The following RCOR2 variants were observed in gnomAD, a reference collection of about 807,000 sequenced individuals.
The protein encoded by RCOR2 is REST corepressor 2.
In RCOR2, 19 loss-of-function variants were observed where a neutral mutation model predicts 58.9. That is an observed-to-expected ratio of 0.32 (90% confidence interval 0.23 to 0.47). The LOEUF is 0.47. Ranked by LOEUF, RCOR2 falls within the 20% of genes least tolerant of loss-of-function variation. RCOR2 has a pLI of 1.00. For synonymous variants in RCOR2, 286 were observed against 278.7 expected (o/e 1.03, Z -0.26); for missense variants, 590 against 707.9 (o/e 0.83, Z 1.89).
chr11:63,915,079 A>G, intron 3 of RCOR2, 99 bp downstream of exon 3: 1 of 1,514,472 alleles, frequency 6.6e-7, no homozygotes, highest in Non-Finnish European at 9.1e-7. Flanking sequence ...CAAGGGTTGG[A>G]CCCACGAACA....
intron 2 of RCOR2, 93 bp downstream of exon 2, chr11:63,915,461 CA>C: frequency 7.3e-7 from 1 of 1,367,138 alleles, no homozygotes. Context: ...CCTGCCCTTC[CA>C]GGGGAGCCAA....
upstream of RCOR2, among the ~76,000 whole-genome samples, chr11:63,919,398 A>T (rs991743963): frequency 1.3e-5 from 2 of 151,974 alleles, no homozygotes; most frequent in African/African-American, 4.8e-5. Flanking sequence ...CAGCAGCATG[A>T]AGGCTCTTAA....
Position 63,916,762 on chromosome 11 carries a change from T to TCCCCTGAAGTCGGGGC in RCOR2, c.-322_-307dup, listed in dbSNP as rs1289049998. Reference sequence around the variant, plus strand: ...TATGTACGCCCCTCAGGGTTGGGGTTCCCCTGAAGTCGGGGCCCCCTGTCC... The same window carrying TCCCCTGAAGTCGGGGC: ...TATGTACGCCCCTCAGGGTTGGGGTTCCCCTGAAGTCGGGGCCCCCTGAAGTCGGGGCCCCCTGTCC... On this transcript the variant is annotated 5_prime_UTR_variant, in exon 1 of 12. Coordinates refer to ENST00000301459, the MANE Select transcript of RCOR2 (RefSeq NM_173587.4). 25 of 302,276 alleles carry TCCCCTGAAGTCGGGGC rather than the reference T, an allele frequency of 8.3e-5. No homozygotes were observed. The highest frequency in any genetic ancestry group is 5.0e-4 in the African/African-American group (23 of 46,108). 18.7% of individuals were successfully genotyped at this position (302,276 alleles called of 1,614,324 possible). A position where few individuals can be genotyped will look rare whatever the true frequency, so the allele number is the denominator to read the frequency against.
Position 63,916,439 on chromosome 11 carries a change from C to T in RCOR2, c.18G>A (p.Glu6=). The T allele has an allele frequency of 6.2e-7, 1 of 1,608,398 alleles. No homozygotes were observed. Among genetic ancestry groups the T allele is most frequent in the Non-Finnish European group, 8.5e-7 (1 of 1,178,318 alleles). ...GGATCCCAGAGCCCGCGCTCGGCTT[C>T]TCCATCACTGAGGGCATTACCCCGC... MPSVM[E]KPSAGSGILS... is the part of the protein sequence containing the mutation. The change falls in exon 1 of 12, where the codon GAG becomes GAA. Residue 6 remains glutamate, a synonymous_variant. Transcript: ENST00000301459.
rs1179884901 is a variant in RCOR2 at position 63,912,146 on chromosome 11, G to C, written c.1291C>G (p.Arg431Gly). 6 of 1,530,152 alleles carry C rather than the reference G, an allele frequency of 3.9e-6. No individual in the cohort carries two copies. Among genetic ancestry groups the C allele is most frequent in the Non-Finnish European group, 5.2e-6 (6 of 1,143,600 alleles). The allele number at this position is 1,530,152 out of a possible 1,614,324, so 94.8% of individuals were successfully genotyped here. A position where few individuals can be genotyped will look rare whatever the true frequency, so the allele number is the denominator to read the frequency against. ...QITSVSTSVP[R>G]SVPPAPPPPP... Reference sequence around the variant, plus strand: ...GGTGGTGGCGCAGGGGGCACTGATCGGGGCACGGACGTGGAGACCGATGTA... The same window carrying C: ...GGTGGTGGCGCAGGGGGCACTGATCCGGGCACGGACGTGGAGACCGATGTA... Residue 431 changes from arginine (R) to glycine (G), a missense_variant, in exon 12 of 12, where the codon CGA becomes GGA. This residue lies in a region of RCOR2 where 196 missense variants were observed against 210.7 expected (regional missense o/e 0.93). Transcript: ENST00000301459.
chr11:63,926,950 T>A, the RCOR2 span, among the ~76,000 whole-genome samples: 2 of 151,866 alleles, frequency 1.3e-5, no homozygotes, highest in African/African-American at 4.8e-5. Context: ...GTCTCTCGAG[T>A]AGCTGGGATT....
chr11:63,911,976 C>T lies in RCOR2; in HGVS notation c.1461G>A (p.Pro487=), dbSNP rs755063187. ...CAGCCAGAGCGGGGCGGATGAGAGG[C>T]GGTGGGGGCTGGTTGGGGGCCAGCC... ...QPRLAPNQPP[P]PLIRPALAAP... Residue 487 remains proline (P), a synonymous_variant, in exon 12 of 12, where the codon CCG becomes CCA. Transcript: ENST00000301459. 87 of 822,134 alleles carry T rather than the reference C, an allele frequency of 1.1e-4. No homozygotes were observed. The highest frequency in any genetic ancestry group is 6.6e-4 in the South Asian group (33 of 50,332). 50.9% of individuals were successfully genotyped at this position (822,134 alleles called of 1,614,324 possible).
In RCOR2 at chr11:63,911,919, C is replaced by G; in HGVS notation, c.1518G>C (p.Gln506His). Residue 506 changes from glutamine to histidine, a missense_variant, in exon 12 of 12, where the codon CAG becomes CAC. Coordinates refer to ENST00000301459, the MANE Select transcript of RCOR2 (RefSeq NM_173587.4). ...GGGTTCCAATCAGGGTGGGTGGGGG[C>G]TGAGGGCCAGGGCGGGCGCTGTGGC... Reference protein sequence around the residue: ...APRHSARPGPQPPPTLIGTPL... With the variant: ...APRHSARPGPHPPPTLIGTPL... 1.2e-6 allele frequency: 1 copy of G among 862,340 alleles called. No individual in the cohort carries two copies. Among genetic ancestry groups the G allele is most frequent in the Non-Finnish European group, 1.7e-6 (1 of 604,196 alleles). 53.4% of individuals were successfully genotyped at this position (862,340 alleles called of 1,614,324 possible).
At position 63,916,715 on chromosome 11, in the gene RCOR2, G is replaced by C. The variant is rs1348898983; in HGVS notation, c.-259C>G. The C allele has an allele frequency of 1.9e-6, 1 of 531,572 alleles. No homozygotes were observed. Among genetic ancestry groups the C allele is most frequent in the South Asian group, 2.5e-5 (1 of 39,524 alleles). 32.9% of individuals were successfully genotyped at this position (531,572 alleles called of 1,614,324 possible). On this transcript the variant is annotated 5_prime_UTR_variant, in exon 1 of 12. Coordinates refer to ENST00000301459, the MANE Select transcript of RCOR2 (RefSeq NM_173587.4). Reference sequence around the variant, plus strand: ...GACGCAAGGGATGAGCGCAAGGTCCGGTGCGGCTGGGGCGTGATTACTATG... The same window carrying C: ...GACGCAAGGGATGAGCGCAAGGTCCCGTGCGGCTGGGGCGTGATTACTATG...
At chr11:63,924,673 T>A in the RCOR2 span, among the ~76,000 whole-genome samples, 5 of 152,156 alleles carry the variant, frequency 3.3e-5, no homozygotes, top group African/African-American at 1.2e-4. Flanking sequence ...CCTCCTCTCT[T>A]GACTTCCTCT....
chr11:63,912,803 G>A, intron 9 of RCOR2, 67 bp downstream of exon 9: 2 of 1,606,654 alleles, frequency 1.2e-6, no homozygotes, highest in Middle Eastern at 1.7e-4. Context: ...TCCCCAAGCA[G>A]TACTCTTTCT....
In RCOR2 at chr11:63,916,301, C is replaced by T. The variant is rs1159857454; in HGVS notation, c.127+29G>A. The T allele has an allele frequency of 3.2e-6, 5 of 1,579,214 alleles. No individual in the cohort carries two copies. The South Asian group carries it at 4.6e-5, about 15-fold the overall frequency. On this transcript the variant is annotated intron_variant, in intron 1 of 11. Coordinates refer to ENST00000301459, the MANE Select transcript of RCOR2 (RefSeq NM_173587.4). ...CCACTCCGCTCCCCCCAGGCCGGCG[C>T]GCCTTTAACCCTAGGCCACCGGGCT... is the stretch of plus-strand genomic sequence containing the variant.
chr11:63,917,761 G>T (rs1941881537), upstream of RCOR2, among the ~76,000 whole-genome samples: 1 of 152,148 alleles, frequency 6.6e-6, no homozygotes. Context: ...CCTAAACAGT[G>T]GTAGCAAGGG....
chr11:63,916,267 C>A (rs1453437377), intron 1 of RCOR2, 63 bp downstream of exon 1: 2 of 1,412,794 alleles, frequency 1.4e-6, no homozygotes, highest in Non-Finnish European at 1.9e-6. Context: ...AACTCTTCCC[C>A]CTCCCGCCCC....
chr11:63,921,871 C>T (rs938125380), upstream of RCOR2, among the ~76,000 whole-genome samples: 3 of 152,212 alleles, frequency 2.0e-5, no homozygotes, highest in Non-Finnish European at 2.9e-5. Flanking sequence ...ACATTGGACA[C>T]TTCACATCTT....
Position 63,914,909 on chromosome 11 carries a change from A to G in RCOR2, c.311T>C (p.Ile104Thr). Reference protein sequence around the residue: ...AMAKEKHGYNIEQALGMLLWH... With the variant: ...AMAKEKHGYNTEQALGMLLWH... ...CTGGGGGCCAAGGCTCACCTGCTCA[A>G]TGTTGTAGCCATGCTTCTCCTTGGC... Residue 104 changes from isoleucine to threonine, a missense_variant, in exon 4 of 12, where the codon ATT becomes ACT. Ile to Thr is a moderately conservative substitution (Grantham distance 89). This residue lies in a region of RCOR2 where 390 missense variants were observed against 478.7 expected (regional missense o/e 0.81). Transcript: ENST00000301459. The G allele has an allele frequency of 6.2e-7, 1 of 1,613,836 alleles. No homozygotes were observed. The highest frequency in any genetic ancestry group is 8.5e-7 in the Non-Finnish European group (1 of 1,179,978).
At chr11:63,915,731 T>TTCCA (rs1185487541) in intron 1 of RCOR2, 120 bp from the exon 2 acceptor site, 1 of 840,166 alleles carries the variant, frequency 1.2e-6, no homozygotes. Context: ...GGCCCCCACC[T>TTCCA]TCCAGGAGGC....
At chr11:63,921,365 G>A (rs111957949), upstream of RCOR2, among the ~76,000 whole-genome samples, 4 of 152,296 alleles carry the variant, frequency 2.6e-5, no homozygotes, top group South Asian at 4.1e-4. Context: ...TGAGCCTGGC[G>A]CCATGTTCCT....
chr11:63,916,543 C>T lies in RCOR2; in HGVS notation c.-87G>A. ...CTCGCTCCGAGTGCCGAGCCCGGCCCGGCCTGGAGAGGTCGCCACTGAGGT... is the reference window on the plus strand; with the variant it reads ...CTCGCTCCGAGTGCCGAGCCCGGCCTGGCCTGGAGAGGTCGCCACTGAGGT... On this transcript the variant is annotated 5_prime_UTR_variant, in exon 1 of 12. Coordinates refer to ENST00000301459, the MANE Select transcript of RCOR2 (RefSeq NM_173587.4). 6.7e-6 allele frequency: 10 copies of T among 1,487,146 alleles called. No homozygotes were observed. Among genetic ancestry groups the T allele is most frequent in the Non-Finnish European group, 8.9e-6 (10 of 1,120,872 alleles). 92.1% of individuals were successfully genotyped at this position (1,487,146 alleles called of 1,614,324 possible). A position where few individuals can be genotyped will look rare whatever the true frequency, so the allele number is the denominator to read the frequency against.
Sources: gnomAD v4.1 joint callset for allele counts (sites outside exome capture counted in the v4.1 genomes callset) on GRCh38, gnomAD v4.1.1 for gene constraint, gnomAD v4.1.1 regional missense constraint, MANE v1.5 for transcripts, NCBI Gene and HGNC (gene_info 2026-07-23, HGNC 2026-07-21) for gene names.